The following STX11 variants were observed in gnomAD, a reference collection of about 807,000 sequenced individuals.
The protein encoded by STX11 is syntaxin 11, also known as syntaxin-11.
STX11 carries 21 observed loss-of-function variants against 19.9 expected under a neutral mutation model. The observed-to-expected ratio is 1.06, with a 90% CI of 0.75 to 1.52. STX11 has a LOEUF of 1.52. Ranked by LOEUF, STX11 falls within the 40% of genes most tolerant of loss-of-function variation. The pLI is 0.00. For missense variants in STX11, 438 were observed against 405.9 expected (o/e 1.08, Z -0.68); for synonymous variants, 193 against 174.4 (o/e 1.11, Z -0.84).
rs1801731776 is a variant in STX11 at position 144,174,613 on chromosome 6, C to T, written c.-5-12010C>T. Among the ~76,000 whole-genome samples, 1 of 152,106 alleles carries T rather than the reference C, an allele frequency of 6.6e-6. No homozygotes were observed. The highest frequency in any genetic ancestry group is 1.5e-5 in the Non-Finnish European group (1 of 68,016). The stretch of plus-strand genomic sequence containing the variant: ...GAACTCCTGGGCACAAGCGATCCAC[C>T]CGCCTTGGCCTCCCAAGCCAGGATT... On this transcript the variant is annotated intron_variant, in intron 1 of 1. Transcript: ENST00000367568. This position sits in a 1 kb window ranked among gnomAD's most constrained non-coding sequence, Gnocchi z 5.3.
Position 144,151,346 on chromosome 6 carries a change from GT to G in STX11, c.-6+644del, listed in dbSNP as rs1801002052. 1 of 985,340 alleles carries G rather than the reference GT, an allele frequency of 1.0e-6. No individual in the cohort carries two copies. Among genetic ancestry groups the G allele is most frequent in the African/African-American group, 1.7e-5 (1 of 57,250 alleles). The allele number at this position is 985,340 out of a possible 1,614,324, so 61.0% of individuals were successfully genotyped here. A position where few individuals can be genotyped will look rare whatever the true frequency, so the allele number is the denominator to read the frequency against. On this transcript the variant is annotated intron_variant, in intron 1 of 1. Coordinates refer to ENST00000367568, the MANE Select transcript of STX11 (RefSeq NM_003764.4). The surrounding 1 kb of genome is among the most constrained non-coding windows in gnomAD (Gnocchi z 4.6). ...CCAGCTGAGATCTGTATTACTTCCT[GT>G]GGTTCTCACGCACTTGTTTCAGCCG...
rs1802213525 is a variant in STX11 at position 144,191,850 on chromosome 6, C to T, written c.*4359C>T. On this transcript the variant is annotated 3_prime_UTR_variant, in exon 2 of 2. Transcript: ENST00000367568. ...AAATGATGAGTGTCTTTGTTATCAA[C>T]ACGTTATTAAGAATGGGCAAGATGT... Among the ~76,000 whole-genome samples, 1 of 152,154 alleles carries T rather than the reference C, an allele frequency of 6.6e-6. No individual in the cohort carries two copies. The highest frequency in any genetic ancestry group is 2.4e-5 in the African/African-American group (1 of 41,418).
rs1373499967 is a variant in STX11 at position 144,174,002 on chromosome 6, G to A, written c.-5-12621G>A. Among the ~76,000 whole-genome samples, 1 of 152,166 alleles carries A rather than the reference G, an allele frequency of 6.6e-6. No homozygotes were observed. Among genetic ancestry groups the A allele is most frequent in the Non-Finnish European group, 1.5e-5 (1 of 68,026 alleles). On this transcript the variant is annotated intron_variant, in intron 1 of 1. Coordinates refer to ENST00000367568, the MANE Select transcript of STX11 (RefSeq NM_003764.4). This position sits in a 1 kb window ranked among gnomAD's most constrained non-coding sequence, Gnocchi z 5.3. ...CCGTTTTGGTGGTTTCAAACACAAC[G>A]ATTTATTATTTCTCACTATCCTGTT...
At chr6:144,141,591 C>T in the STX11 span, among the ~76,000 whole-genome samples, 6 of 151,900 alleles carry the variant, frequency 3.9e-5, no homozygotes, top group Non-Finnish European at 7.4e-5. Context: ...GTTCATATTG[C>T]CCTTTTGTGC....
chr6:144,141,029 G>C, the STX11 span, among the ~76,000 whole-genome samples: 1 of 152,132 alleles, frequency 6.6e-6, no homozygotes, highest in Non-Finnish European at 1.5e-5. Flanking sequence ...GTGCTTTTCC[G>C]TTTCACTTTT....
chr6:144,141,926 C>T, the STX11 span, among the ~76,000 whole-genome samples: 1 of 152,010 alleles, frequency 6.6e-6, no homozygotes, highest in Non-Finnish European at 1.5e-5. Context: ...AAGCACTCTG[C>T]CCACCTCTGC....
upstream of STX11, among the ~76,000 whole-genome samples, chr6:144,150,213 G>C (rs1179465121): frequency 4.6e-5 from 7 of 152,252 alleles, no homozygotes; most frequent in Non-Finnish European, 1.0e-4. Flanking sequence ...GGGATTCCCG[G>C]GGGAAGTCCA....
chr6:144,148,034 T>C (rs1446567203), upstream of STX11, among the ~76,000 whole-genome samples: 1 of 152,222 alleles, frequency 6.6e-6, no homozygotes, highest in Non-Finnish European at 1.5e-5. Flanking sequence ...GCTTTCTAAC[T>C]CGTTGGCCTG....
In STX11 at chr6:144,191,489, A is replaced by G. The variant is rs1235330000; in HGVS notation, c.*3998A>G. Among the ~76,000 whole-genome samples, 2 of 151,716 alleles carry G rather than the reference A, an allele frequency of 1.3e-5. No individual in the cohort carries two copies. Among genetic ancestry groups the G allele is most frequent in the Non-Finnish European group, 2.9e-5 (2 of 67,974 alleles). ...CAGATATGTTCAGGCTCTAACATATAAAGTTCCTAACTTGACAGGAAACTA... is the reference window on the plus strand; with the variant it reads ...CAGATATGTTCAGGCTCTAACATATGAAGTTCCTAACTTGACAGGAAACTA... On this transcript the variant is annotated 3_prime_UTR_variant, in exon 2 of 2. Transcript: ENST00000367568.
chr6:144,146,335 G>A (rs1389209879), upstream of STX11, among the ~76,000 whole-genome samples: 2 of 152,194 alleles, frequency 1.3e-5, no homozygotes, highest in Admixed American at 6.5e-5. The surrounding 1 kb of genome is among the most constrained non-coding windows in gnomAD (Gnocchi z 4.4). Context: ...CTCCAGACTG[G>A]AAGGGAGAGC....
intron 1 of STX11, among the ~76,000 whole-genome samples, chr6:144,163,653 A>AT (rs1801403425): frequency 6.6e-6 from 1 of 151,294 alleles, no homozygotes. Flanking sequence ...TAATTTTTGT[A>AT]TTTTTTTTCT....
Position 144,165,171 on chromosome 6 carries a change from T to G in STX11, c.-6+14468T>G, listed in dbSNP as rs1383611433. 1.3e-5 allele frequency among the ~76,000 whole-genome samples: 2 copies of G among 151,932 alleles called. No homozygotes were observed. ...ATATTCACTTTGAAGAAAAATTTTCTTGGCCGGGCGCGGTGGCTCACGCCT... is the reference window on the plus strand; with the variant it reads ...ATATTCACTTTGAAGAAAAATTTTCGTGGCCGGGCGCGGTGGCTCACGCCT... On this transcript the variant is annotated intron_variant, in intron 1 of 1. Transcript: ENST00000367568. This position sits in a 1 kb window ranked among gnomAD's most constrained non-coding sequence, Gnocchi z 5.8.
rs1171954871 is a variant in STX11 at position 144,187,343 on chromosome 6, C to T, written c.716C>T (p.Ala239Val). 8 of 1,610,458 alleles carry T rather than the reference C, an allele frequency of 5.0e-6. No homozygotes were observed. In the South Asian group the frequency reaches 8.8e-5, roughly 18 times the overall value. The change falls in exon 2 of 2, where the codon GCC becomes GTC. Residue 239 changes from alanine (A) to valine (V), a missense_variant. Transcript: ENST00000367568. The surrounding 1 kb of genome is among the most constrained non-coding windows in gnomAD (Gnocchi z 5.6). The stretch of plus-strand genomic sequence containing the variant: ...ATGGCGGTGCTGGTGGAGAAGCAGG[C>T]CGACACCCTGAACGTCATCGAGCTC... ...LQMAVLVEKQADTLNVIELNV... is the reference protein window; with the variant it reads ...LQMAVLVEKQVDTLNVIELNV...
At chr6:144,173,115 T>A (rs1801685061) in intron 1 of STX11, among the ~76,000 whole-genome samples, 1 of 152,240 alleles carries the variant, frequency 6.6e-6, no homozygotes, top group Non-Finnish European at 1.5e-5. Context: ...TTTTTGCTCC[T>A]AAATAGCTTC....
At chr6:144,156,006 C>CTT (rs1180470939) in intron 1 of STX11, among the ~76,000 whole-genome samples, 1 of 121,670 alleles carries the variant, frequency 8.2e-6, no homozygotes, top group African/African-American at 4.8e-5. Flanking sequence ...TTCTTTCTTT[C>CTT]TTTCTTTCTC....
rs1368508296 is a variant in STX11, at chr6:144,174,135, A to C, written c.-5-12488A>C. ...AGCCTCGAGTACTGCTCAGCTGGGC[A>C]TCATCTTCCTGCAGGCTAGCCCAGG... On this transcript the variant is annotated intron_variant, in intron 1 of 1. Coordinates refer to ENST00000367568, the MANE Select transcript of STX11 (RefSeq NM_003764.4). The surrounding 1 kb of genome is among the most constrained non-coding windows in gnomAD (Gnocchi z 5.3). Among the ~76,000 whole-genome samples the C allele has an allele frequency of 6.6e-6, 1 of 152,210 alleles. No homozygotes were observed. Among genetic ancestry groups the C allele is most frequent in the Admixed American group, 6.5e-5 (1 of 15,286 alleles).
chr6:144,170,240 T>A lies in STX11; in HGVS notation c.-5-16383T>A, dbSNP rs1032065915. On this transcript the variant is annotated intron_variant, in intron 1 of 1. Coordinates refer to ENST00000367568, the MANE Select transcript of STX11 (RefSeq NM_003764.4). This position sits in a 1 kb window ranked among gnomAD's most constrained non-coding sequence, Gnocchi z 4.7. ...AGAGCAGAGTATAAGCAAAGAGTCA[T>A]AGTGATTAATACCTGAAGTTCTTGG... 2.0e-5 allele frequency among the ~76,000 whole-genome samples: 3 copies of A among 152,184 alleles called. No homozygotes were observed. The highest frequency in any genetic ancestry group is 2.0e-4 in the Admixed American group (3 of 15,278).
chr6:144,150,014 G>T (rs572967731), upstream of STX11, among the ~76,000 whole-genome samples: 2 of 152,302 alleles, frequency 1.3e-5, no homozygotes, highest in African/African-American at 4.8e-5. Flanking sequence ...CTGGAGAGAG[G>T]TTGGTCGGCA....
rs1802136761 is a variant in STX11, at chr6:144,188,741, T to A, written c.*1250T>A. 6.7e-6 allele frequency among the ~76,000 whole-genome samples: 1 copy of A among 148,706 alleles called. No homozygotes were observed. Among genetic ancestry groups the A allele is most frequent in the East Asian group, 1.9e-4 (1 of 5,152 alleles). ...TTCTTTTTCCTTTTTTTTTTTTTTT[T>A]TTTGAGATGGAGTCTCACTGTGTTG... is the stretch of plus-strand genomic sequence containing the variant. On this transcript the variant is annotated 3_prime_UTR_variant, in exon 2 of 2. Coordinates refer to ENST00000367568, the MANE Select transcript of STX11 (RefSeq NM_003764.4).
Sources: gnomAD v4.1 joint callset for allele counts (sites outside exome capture counted in the v4.1 genomes callset) on GRCh38, gnomAD v4.1.1 for gene constraint, Gnocchi (gnomAD v3.1) non-coding constraint, MANE v1.5 for transcripts, NCBI Gene and HGNC (gene_info 2026-07-23, HGNC 2026-07-21) for gene names.